The following MYH14 variants were observed in gnomAD, a reference collection of about 807,000 sequenced individuals.
MYH14 encodes the protein myosin heavy chain 14, also known as myosin-14.
A neutral mutation model predicts 255.5 loss-of-function variants in MYH14; 123 were observed. The ratio of observed to expected loss-of-function variants is 0.48; its 90% CI spans 0.42 to 0.56. The LOEUF is 0.56. MYH14 is among the 20% of genes least tolerant of loss of function. The pLI is 0.00. For synonymous variants in MYH14, 1,095 were observed against 1,161.2 expected, an observed-to-expected ratio of 0.94 and a Z score of 1.16; for missense variants, 2,423 against 2,802.3, an observed-to-expected ratio of 0.86 and a Z score of 3.06.
At chr19:50,253,272 G>A (rs1018713132) in intron 16 of MYH14, among the ~76,000 whole-genome samples, 1 of 151,966 alleles carries the variant, frequency 6.6e-6, no homozygotes, top group African/African-American at 2.4e-5. Flanking sequence ...GTGAAACCCT[G>A]TCTCTACTAA....
At chr19:50,303,467 G>A (rs1017846744) in intron 40 of MYH14, among the ~76,000 whole-genome samples, 2 of 152,144 alleles carry the variant, frequency 1.3e-5, no homozygotes, top group African/African-American at 4.8e-5. Context: ...AACTGGTACT[G>A]TGTCACTTCT....
intron 36 of MYH14, 103 bp from the exon 37 acceptor site, chr19:50,292,158 G>A: frequency 1.6e-6 from 2 of 1,247,984 alleles, no homozygotes; most frequent in South Asian, 1.8e-5. Flanking sequence ...TTCCCTGCTT[G>A]TTCACGGGAG....
chr19:50,207,182 C>CCA (rs2031810700), intron 1 of MYH14, among the ~76,000 whole-genome samples: 1 of 149,092 alleles, frequency 6.7e-6, no homozygotes. Flanking sequence ...TGTGATTGTG[C>CCA]CACTGCACTC....
intron 2 of MYH14, 48 bp downstream of exon 2, chr19:50,210,818 T>C: frequency 1.3e-6 from 2 of 1,527,836 alleles, no homozygotes; most frequent in East Asian, 2.5e-5. Context: ...TTGCTGCCGG[T>C]TGGGGAACCA....
Position 50,210,561 on chromosome 19 carries a change from G to C in MYH14, c.196G>C (p.Glu66Gln). 6.3e-7 allele frequency: 1 copy of C among 1,582,070 alleles called. No homozygotes were observed. The highest frequency in any genetic ancestry group is 1.3e-5 in the African/African-American group (1 of 74,340). ...GGTGCCTTCGGAGCTTCACGGGTTC[G>C]AGGCGGCGGCGCTGCGGGACGAAGG... ...VWVPSELHGF[E>Q]AAALRDEGEE... Residue 66 changes from glutamate to glutamine, a missense_variant, in exon 2 of 43, where the codon GAG (glutamate) becomes CAG (glutamine). This residue lies in a region of MYH14 where 238 missense variants were observed against 245.8 expected (regional missense o/e 0.97). Transcript: ENST00000642316.
intron 3 of MYH14, among the ~76,000 whole-genome samples, chr19:50,218,874 C>G (rs952666894): frequency 6.6e-6 from 1 of 151,792 alleles, no homozygotes; most frequent in African/African-American, 2.4e-5. Context: ...ATTTTCCATT[C>G]CCGAGTTACC....
intron 11 of MYH14, among the ~76,000 whole-genome samples, chr19:50,246,734 G>C (rs2034142966): frequency 1.3e-5 from 2 of 152,194 alleles, no homozygotes; most frequent in African/African-American, 4.8e-5. Context: ...TTGTTTCCTA[G>C]CTTTCTCCGA....
intron 11 of MYH14, 55 bp downstream of exon 11, chr19:50,244,392 C>T: frequency 7.0e-7 from 1 of 1,433,946 alleles, no homozygotes; most frequent in Non-Finnish European, 9.8e-7. Context: ...AGGTGGTGCC[C>T]AGCCCTCCTG....
rs2036803231 is a variant in MYH14 at position 50,309,943 on chromosome 19, C to G, written c.*153C>G. The stretch of plus-strand genomic sequence containing the variant: ...GCATTTATCACCCCCACCTGGGTCC[C>G]CTGCAACCTCCCATCAAAGGATGAC... On this transcript the variant is annotated 3_prime_UTR_variant, in exon 43 of 43. Coordinates refer to ENST00000642316, the MANE Select transcript of MYH14 (RefSeq NM_001145809.2). 1.4e-5 allele frequency: 11 copies of G among 774,952 alleles called. No individual in the cohort carries two copies. The South Asian group carries it at 1.7e-4, about 12-fold the overall frequency. The allele number at this position is 774,952 out of a possible 1,614,324, so 48.0% of individuals were successfully genotyped here.
chr19:50,277,644 G>C (rs2035557978), intron 29 of MYH14, among the ~76,000 whole-genome samples: 1 of 151,860 alleles, frequency 6.6e-6, no homozygotes, highest in Non-Finnish European at 1.5e-5. Flanking sequence ...GGCCAGACGT[G>C]GTGGCTCATG....
chr19:50,300,146 A>G (rs1078446), intron 39 of MYH14, among the ~76,000 whole-genome samples: 95,139 of 151,964 alleles, frequency 0.63, 31,518 homozygotes, highest in East Asian at 0.83. Context: ...GGAGTAGTGC[A>G]TGAAAGGGCT....
Position 50,223,293 on chromosome 19 carries a change from C to T in MYH14, c.637C>T (p.Gln213Ter). 2 of 1,606,506 alleles carry T rather than the reference C, an allele frequency of 1.2e-6. No homozygotes were observed. The highest frequency in any genetic ancestry group is 1.7e-6 in the Non-Finnish European group (2 of 1,176,284). Reference protein sequence around the residue: ...GKTENTKKVIQYLAHVASSPK... With the variant: ...GKTENTKKVI The stretch of plus-strand genomic sequence containing the variant: ...GACGGAAAACACCAAGAAGGTCATC[C>T]AGTACCTCGCCCACGTGGCGTCGTC... Residue 213 changes from glutamine to a stop codon, truncating the protein, a stop_gained, in exon 5 of 43, where the codon CAG (glutamine) becomes TAG (stop). Transcript: ENST00000642316. LOFTEE classifies it high-confidence loss of function.
chr19:50,210,827 C>T lies in MYH14; in HGVS notation c.405+57C>T. ...GCGGAGTTGCTGCCGGTTGGGGAAC[C>T]AGGTCCACCACCCGGCTCCCCTGCA... On this transcript the variant is annotated intron_variant, in intron 2 of 42. Coordinates refer to ENST00000642316, the MANE Select transcript of MYH14 (RefSeq NM_001145809.2). 3 of 1,526,794 alleles carry T rather than the reference C, an allele frequency of 2.0e-6. No homozygotes were observed. The South Asian group carries it at 3.7e-5, about 19-fold the overall frequency. 94.6% of individuals were successfully genotyped at this position (1,526,794 alleles called of 1,614,324 possible). A position where few individuals can be genotyped will look rare whatever the true frequency, so the allele number is the denominator to read the frequency against.
rs776538906 is a variant in MYH14 at position 50,271,551 on chromosome 19, G to C, written c.3171+5G>C. 6.2e-7 allele frequency: 1 copy of C among 1,602,834 alleles called. No homozygotes were observed. ...CAGAATTCCAAGCTGAGCAAGGTTG[G>C]GGGCCTGAGGGCAGCTGGGAAAGTG... On this transcript the variant is annotated splice_donor_5th_base_variant and intron_variant, in intron 25 of 42. Coordinates refer to ENST00000642316, the MANE Select transcript of MYH14 (RefSeq NM_001145809.2).
In MYH14 at chr19:50,217,696, C is replaced by A. The variant is rs373470153; in HGVS notation, c.487C>A (p.Arg163=). Residue 163 remains arginine (R), a synonymous_variant, in exon 3 of 43, where the codon CGG becomes AGG. Transcript: ENST00000642316. ...CACAGAAGCCATTGTGGAGATGTAC[C>A]GGGGCAAGAAGCGCCACGAGGTGCC... ...IYTEAIVEMY[R]GKKRHEVPPH... 18 of 1,613,842 alleles carry A rather than the reference C, an allele frequency of 1.1e-5. No homozygotes were observed. The highest frequency in any genetic ancestry group is 1.4e-5 in the Non-Finnish European group (17 of 1,179,896).
At chr19:50,287,529 C>T (rs2035932298) in intron 34 of MYH14, among the ~76,000 whole-genome samples, 1 of 152,156 alleles carries the variant, frequency 6.6e-6, no homozygotes, top group Non-Finnish European at 1.5e-5. Context: ...CCTCCTGCCT[C>T]AGTCTCCCGA....
At chr19:50,260,858 C>T (rs12982147) in intron 20 of MYH14, 143 bp downstream of exon 20, 3 of 677,682 alleles carry the variant, frequency 4.4e-6, no homozygotes. Flanking sequence ...TGTGTGTGTG[C>T]ATGCATATGT....
chr19:50,254,982 CA>C lies in MYH14; in HGVS notation c.1946-237del, dbSNP rs200291811. 2.8e-3 allele frequency among the ~76,000 whole-genome samples: 421 copies of C among 152,320 alleles called. 1 individual carries two copies. Among genetic ancestry groups the C allele is most frequent in the African/African-American group, 9.6e-3 (399 of 41,568 alleles). On this transcript the variant is annotated intron_variant, in intron 16 of 42. Transcript: ENST00000642316. ...TTTTATTCTTTGCACTGAATTCTTA[CA>C]GAGGACATTCGTCCTTTTGGCCAAC... is the stretch of plus-strand genomic sequence containing the variant.
chr19:50,230,601 G>A lies in MYH14; in HGVS notation c.951G>A (p.Gly317=). Residue 317 remains glycine, a synonymous_variant, in exon 9 of 43, where the codon GGG becomes GGA. Transcript: ENST00000642316. The surrounding 1 kb of genome is among the most constrained non-coding windows in gnomAD (Gnocchi z 4.7). ...CSFHIFYQLL[G]GAGEQLKADL... ...TCCACATCTTCTACCAGCTGCTGGGGGGCGCTGGAGAGCAGCTCAAAGGTC... is the reference window on the plus strand; with the variant it reads ...TCCACATCTTCTACCAGCTGCTGGGAGGCGCTGGAGAGCAGCTCAAAGGTC... The A allele has an allele frequency of 6.4e-7, 1 of 1,565,968 alleles. No individual in the cohort carries two copies. Among genetic ancestry groups the A allele is most frequent in the East Asian group, 2.4e-5 (1 of 42,088 alleles).
Sources: allele counts gnomAD v4.1 joint callset (sites outside exome capture counted in the v4.1 genomes callset), GRCh38; gene constraint gnomAD v4.1.1; regional missense constraint gnomAD v4.1.1; non-coding constraint Gnocchi (gnomAD v3.1); transcripts MANE v1.5; gene names NCBI Gene and HGNC (gene_info 2026-07-23, HGNC 2026-07-21).